The following MRPL39 variants were observed in gnomAD, a reference collection of about 807,000 sequenced individuals.
The protein encoded by MRPL39 is mitochondrial ribosomal protein L39.
Under a neutral mutation model 44.5 loss-of-function variants are expected in MRPL39, and 35 were observed. That is an observed-to-expected ratio of 0.79 (90% confidence interval 0.60 to 1.04). MRPL39 has a LOEUF of 1.04. MRPL39 is among the 50% of genes least tolerant of loss of function. The probability of loss-of-function intolerance (pLI) is 0.00; values close to 1 mark genes in which losing one functional copy is unlikely to be tolerated. For synonymous variants in MRPL39, 139 were observed against 136.1 expected, an observed-to-expected ratio of 1.02 and a Z score of -0.15; for missense variants, 433 against 413.5, an observed-to-expected ratio of 1.05 and a Z score of -0.41.
At chr21:25,605,361 A>G (rs1875070623) in intron 2 of MRPL39, among the ~76,000 whole-genome samples, 1 of 152,226 alleles carries the variant, frequency 6.6e-6, no homozygotes, top group African/African-American at 2.4e-5. Flanking sequence ...CCTTTAAGAT[A>G]TACATAAATA....
At chr21:25,590,592 G>A (rs1159778201) in intron 8 of MRPL39, among the ~76,000 whole-genome samples, 1 of 152,116 alleles carries the variant, frequency 6.6e-6, no homozygotes, top group African/African-American at 2.4e-5. Context: ...ATGTATAGGA[G>A]AGGTGTGCTA....
At chr21:25,594,314 A>G (rs2031285513) in intron 6 of MRPL39, among the ~76,000 whole-genome samples, 1 of 143,918 alleles carries the variant, frequency 6.9e-6, no homozygotes. Context: ...ATGCAGTGGC[A>G]TAATTATAGC....
intron 8 of MRPL39, among the ~76,000 whole-genome samples, chr21:25,591,666 T>C (rs1183444709): frequency 6.9e-6 from 1 of 145,540 alleles, no homozygotes; most frequent in Non-Finnish European, 1.5e-5. Flanking sequence ...AAAAAAAAAG[T>C]AGTGACAGCA....
chr21:25,587,674 TATGA>T (rs60495783), intron 9 of MRPL39: 130,153 of 1,502,310 alleles, frequency 0.087, 8,682 homozygotes, highest in East Asian at 0.39. Flanking sequence ...CACAAACTTA[TATGA>T]ATAATTATTT....
Position 25,587,777 on chromosome 21 carries a change from T to TTC in MRPL39, c.969+1057_969+1058insGA, listed in dbSNP as rs1406435097. ...GACTGCGTAGTAAATAGAAGGAGAATGGGAAATGGAGTCTAGAAAGAAAAA... is the reference window on the plus strand; with the variant it reads ...GACTGCGTAGTAAATAGAAGGAGAATTCGGGAAATGGAGTCTAGAAAGAAAAA... On this transcript the variant is annotated intron_variant, in intron 9 of 9. Coordinates refer to ENST00000352957, the MANE Select transcript of MRPL39 (RefSeq NM_017446.4). 3.1e-6 allele frequency: 5 copies of TTC among 1,612,028 alleles called. No homozygotes were observed. The Admixed American group carries it at 8.3e-5, about 27-fold the overall frequency.
intron 6 of MRPL39, among the ~76,000 whole-genome samples, chr21:25,597,014 C>G (rs907329502): frequency 6.6e-6 from 1 of 152,012 alleles, no homozygotes; most frequent in Admixed American, 6.6e-5. Flanking sequence ...AGTCGCTTAA[C>G]GTACATTATC....
At chr21:25,593,697 A>G (rs2031252384) in intron 7 of MRPL39, among the ~76,000 whole-genome samples, 196 bp downstream of exon 7, 2 of 152,292 alleles carry the variant, frequency 1.3e-5, no homozygotes, top group African/African-American at 4.8e-5. Flanking sequence ...GATTATAGAA[A>G]CCACAAGTGT....
In MRPL39 at chr21:25,597,558, CTAAT is replaced by C. The variant is rs2031398297; in HGVS notation, c.589-148_589-145del. 5 of 508,692 alleles carry C rather than the reference CTAAT, an allele frequency of 9.8e-6. No homozygotes were observed. In the Admixed American group the frequency reaches 2.0e-4, roughly 21 times the overall value. The allele number at this position is 508,692 out of a possible 1,614,324, so 31.5% of individuals were successfully genotyped here. On this transcript the variant is annotated intron_variant, in intron 5 of 9. Coordinates refer to ENST00000352957, the MANE Select transcript of MRPL39 (RefSeq NM_017446.4). ...TCAAATTTGTTAGAACAGAAAGTTA[CTAAT>C]TTGCAACAACTGAAGTTTTGGACCA...
At chr21:25,607,323 C>G (rs1490856387) in intron 1 of MRPL39, 80 bp downstream of exon 1, 16 of 1,523,912 alleles carry the variant, frequency 1.0e-5, no homozygotes, top group African/African-American at 6.9e-5. Context: ...CGGGACCTCC[C>G]CGGCCCCGCC....
rs753823412 is a variant in MRPL39, at chr21:25,592,986, TAAAC to T, written c.768-25_768-22del. The T allele has an allele frequency of 4.0e-5, 63 of 1,561,116 alleles. No homozygotes were observed. The Middle Eastern group carries it at 5.2e-4, about 13-fold the overall frequency. On this transcript the variant is annotated intron_variant, in intron 7 of 9. Transcript: ENST00000352957. ...CTATTCTGATTGATTTAAAAATAAA[TAAAC>T]AAAACTGCAACATCAAATAATTTGT...
chr21:25,604,074 G>T (rs923632780), intron 2 of MRPL39, 139 bp from the exon 3 acceptor site: 1 of 748,898 alleles, frequency 1.3e-6, no homozygotes, highest in East Asian at 3.2e-5. Flanking sequence ...AGTATATTAC[G>T]TCTATAATCA....
Position 25,588,806 on chromosome 21 carries a change from A to G in MRPL39, c.969+29T>C. The G allele has an allele frequency of 4.4e-6, 7 of 1,579,714 alleles. No individual in the cohort carries two copies. The East Asian group carries it at 1.6e-4, about 35-fold the overall frequency. On this transcript the variant is annotated intron_variant, in intron 9 of 9. Transcript: ENST00000352957. ...ATTTTGATGAATTTCTTTATAGAAG[A>G]GTACTCAATAGCTGTCAAAAACACT... is the stretch of plus-strand genomic sequence containing the variant.
intron 7 of MRPL39, 94 bp downstream of exon 7, chr21:25,593,799 C>CA (rs2031254891): frequency 9.3e-7 from 1 of 1,075,740 alleles, no homozygotes; most frequent in African/African-American, 1.6e-5. Flanking sequence ...AAATAAGACA[C>CA]AAATTCATCT....
intron 8 of MRPL39, among the ~76,000 whole-genome samples, chr21:25,590,903 G>A (rs976135433): frequency 6.6e-6 from 1 of 152,092 alleles, no homozygotes; most frequent in African/African-American, 2.4e-5. Context: ...ATCAAGACTG[G>A]GTGGTACTGG....
Position 25,601,453 on chromosome 21 carries a change from G to A in MRPL39, c.435C>T (p.Ser145=). The A allele has an allele frequency of 1.9e-6, 3 of 1,582,856 alleles. No individual in the cohort carries two copies. The highest frequency in any genetic ancestry group is 1.7e-6 in the Non-Finnish European group (2 of 1,163,970). The change falls in exon 4 of 10, where the codon TCC becomes TCT. Residue 145 remains serine (S), a synonymous_variant. Transcript: ENST00000352957. ...TCACACAGCCCATCATCATAGCACA[G>A]GAACGCCAATATGCCTAGAAAAAAA... ...PGEVNKAYWR[S]CAMMMGCVIE...
intron 2 of MRPL39, among the ~76,000 whole-genome samples, chr21:25,604,249 ACT>A (rs2031603665): frequency 6.6e-6 from 1 of 151,960 alleles, no homozygotes; most frequent in African/African-American, 2.4e-5. Flanking sequence ...ACAGAGCGAG[ACT>A]CTGTCTCAAA....
chr21:25,588,946 G>T, intron 8 of MRPL39, 64 bp from the exon 9 acceptor site: 1 of 1,335,442 alleles, frequency 7.5e-7, no homozygotes, highest in Non-Finnish European at 1.1e-6. Context: ...AAAGGACAGA[G>T]TCTTTATATA....
chr21:25,593,274 C>A (rs895712580), intron 7 of MRPL39, among the ~76,000 whole-genome samples: 1 of 152,202 alleles, frequency 6.6e-6, no homozygotes, highest in Non-Finnish European at 1.5e-5. Flanking sequence ...TACAACCTTA[C>A]AATAACCCAT....
chr21:25,599,930 C>T, intron 4 of MRPL39, 64 bp from the exon 5 acceptor site: 6 of 1,219,904 alleles, frequency 4.9e-6, no homozygotes, highest in Middle Eastern at 1.9e-4. Context: ...TACTAATTTG[C>T]AACAACTGAA....
Sources: gnomAD v4.1 joint callset for allele counts (sites outside exome capture counted in the v4.1 genomes callset) on GRCh38, gnomAD v4.1.1 for gene constraint, MANE v1.5 for transcripts, NCBI Gene and HGNC (gene_info 2026-07-23, HGNC 2026-07-21) for gene names.